Variants in EHBP1 observed in about 807,000 individuals in gnomAD.
EHBP1 encodes EH domain binding protein 1.
EHBP1 carries 55 observed loss-of-function variants against 144.0 expected under a neutral mutation model. The observed-to-expected ratio is 0.38, with a 90% CI of 0.31 to 0.48. The LOEUF (loss-of-function observed/expected upper bound fraction) is 0.48. EHBP1 is among the 20% of genes least tolerant of loss of function. The pLI is 0.98. For missense variants in EHBP1, 1,200 were observed against 1,364.2 expected (o/e 0.88, Z 1.90); for synonymous variants, 469 against 472.7 (o/e 0.99, Z 0.10).
intron 8 of EHBP1, among the ~76,000 whole-genome samples, chr2:62,863,519 T>A (rs943269568): frequency 6.6e-6 from 1 of 152,166 alleles, no homozygotes; most frequent in Non-Finnish European, 1.5e-5. Flanking sequence ...ACTTGATATA[T>A]CTATCAGCTT....
At chr2:62,760,419 A>G (rs898292209) in intron 3 of EHBP1, among the ~76,000 whole-genome samples, 2 of 152,214 alleles carry the variant, frequency 1.3e-5, no homozygotes, top group South Asian at 4.1e-4. Flanking sequence ...GCAGTGTACT[A>G]GCAACTTAGG....
intron 2 of EHBP1, among the ~76,000 whole-genome samples, chr2:62,712,508 C>T (rs1017899729): frequency 1.4e-4 from 22 of 152,258 alleles, no homozygotes; most frequent in African/African-American, 5.3e-4. Context: ...TTTAATCCAA[C>T]TGTGTTCAGT....
intron 5 of EHBP1, among the ~76,000 whole-genome samples, chr2:62,804,117 CA>C (rs1377017261): frequency 1.3e-5 from 2 of 152,088 alleles, no homozygotes; most frequent in African/African-American, 4.8e-5. Context: ...TTCTGTGCCT[CA>C]AAAATGTAAA....
chr2:62,946,046 C>T (rs1432289593), intron 12 of EHBP1, among the ~76,000 whole-genome samples: 3 of 152,110 alleles, frequency 2.0e-5, no homozygotes, highest in Non-Finnish European at 4.4e-5. Context: ...CAGTGCTTTA[C>T]CTCCATTTTC....
chr2:62,755,328 T>G (rs1203759693), intron 3 of EHBP1, among the ~76,000 whole-genome samples: 1 of 152,210 alleles, frequency 6.6e-6, no homozygotes, highest in Non-Finnish European at 1.5e-5. Context: ...TGTGTTTTGG[T>G]AGTTTATTTG....
chr2:62,990,772 C>T lies in EHBP1; in HGVS notation c.2665C>T (p.Gln889Ter). 6.2e-7 allele frequency: 1 copy of T among 1,613,914 alleles called. No individual in the cohort carries two copies. Among genetic ancestry groups the T allele is most frequent in the Non-Finnish European group, 8.5e-7 (1 of 1,179,872 alleles). The change falls in exon 16 of 23, where the codon CAG becomes TAG. Residue 889 changes from glutamine (Q) to a stop codon, truncating the protein, a stop_gained. Coordinates refer to ENST00000431489, the MANE Select transcript of EHBP1 (RefSeq NM_001142616.3). LOFTEE classifies it high-confidence loss of function. The part of the protein sequence containing the change: ...KLKKLLEVQP[Q>*]VANSPSSAAQ... Reference sequence around the variant, plus strand: ...GAAGAAGCTCCTAGAAGTTCAGCCACAGGTGGCAAATTCACCCTCCAGTGC... The same window carrying T: ...GAAGAAGCTCCTAGAAGTTCAGCCATAGGTGGCAAATTCACCCTCCAGTGC...
intron 3 of EHBP1, among the ~76,000 whole-genome samples, chr2:62,750,930 A>G (rs975639764): frequency 6.6e-6 from 1 of 152,186 alleles, no homozygotes; most frequent in African/African-American, 2.4e-5. Context: ...TCATCTGCAA[A>G]CAGGGACAAT....
intron 19 of EHBP1, among the ~76,000 whole-genome samples, chr2:63,009,187 A>G (rs1030687433): frequency 1.3e-5 from 2 of 151,652 alleles, no homozygotes; most frequent in African/African-American, 4.8e-5. Flanking sequence ...CCTAAAATGC[A>G]TGTTTATTTT....
At chr2:62,862,673 A>G (rs1453105257) in intron 8 of EHBP1, among the ~76,000 whole-genome samples, 1 of 152,214 alleles carries the variant, frequency 6.6e-6, no homozygotes, top group African/African-American at 2.4e-5. Flanking sequence ...TAATAATCAG[A>G]TTAAGTTGTT....
chr2:62,709,053 C>G (rs1268295373), intron 2 of EHBP1, among the ~76,000 whole-genome samples: 1 of 152,064 alleles, frequency 6.6e-6, no homozygotes, highest in African/African-American at 2.4e-5. Context: ...ATTAGGTTTG[C>G]TATTGGAAAA....
chr2:62,747,519 G>T, intron 3 of EHBP1, 67 bp downstream of exon 3: 1 of 1,197,704 alleles, frequency 8.3e-7, no homozygotes, highest in African/African-American at 1.5e-5. Context: ...TCTGGTTCCA[G>T]TGTAGAATAT....
At chr2:62,818,729 A>G (rs1026730790) in intron 5 of EHBP1, among the ~76,000 whole-genome samples, 1 of 152,212 alleles carries the variant, frequency 6.6e-6, no homozygotes, top group Non-Finnish European at 1.5e-5. Context: ...AAAGAATCAC[A>G]AAATCACAAG....
rs369018596 is a variant in EHBP1 at position 62,695,061 on chromosome 2, A to G, written c.-295-11836A>G. On this transcript the variant is annotated intron_variant, in intron 1 of 22. Transcript: ENST00000405015. The stretch of plus-strand genomic sequence containing the variant: ...CACAGTCCTAAAGCAATTCAAGTAC[A>G]AAATAAAATGTCAGTGAAGACTGGG... Among the ~76,000 whole-genome samples the G allele has an allele frequency of 5.3e-5, 8 of 152,320 alleles. No homozygotes were observed. In the South Asian group the frequency reaches 1.0e-3, roughly 20 times the overall value.
At chr2:62,710,827 A>G (rs1032554513) in intron 2 of EHBP1, among the ~76,000 whole-genome samples, 1 of 152,186 alleles carries the variant, frequency 6.6e-6, no homozygotes, top group Non-Finnish European at 1.5e-5. Flanking sequence ...ATGCACTTTC[A>G]GTGTTAAGTT....
At chr2:62,932,260 A>C (rs997819391) in intron 10 of EHBP1, among the ~76,000 whole-genome samples, 1 of 152,042 alleles carries the variant, frequency 6.6e-6, no homozygotes, top group South Asian at 2.1e-4. Context: ...TCTAGAAGGG[A>C]TATTTGCACA....
chr2:62,838,572 A>G (rs2047503051), intron 7 of EHBP1, among the ~76,000 whole-genome samples: 1 of 152,128 alleles, frequency 6.6e-6, no homozygotes, highest in African/African-American at 2.4e-5. Context: ...TGAAAGGATC[A>G]ACAAAATTGA....
intron 15 of EHBP1, chr2:62,987,973 C>T: frequency 6.2e-7 from 1 of 1,607,564 alleles, no homozygotes; most frequent in Non-Finnish European, 8.5e-7. Context: ...GAGGAGATCC[C>T]TGAAGGCTTT....
intron 1 of EHBP1, among the ~76,000 whole-genome samples, chr2:62,681,334 G>A (rs866551929): frequency 4.9e-4 from 9 of 18,474 alleles, no homozygotes; most frequent in African/African-American, 3.2e-3. Flanking sequence ...GTATGTATGT[G>A]TGTGTGTATA....
chr2:62,717,747 A>G (rs1363045581), intron 2 of EHBP1, among the ~76,000 whole-genome samples: 3 of 152,192 alleles, frequency 2.0e-5, no homozygotes, highest in Non-Finnish European at 4.4e-5. Context: ...AACTTTAATT[A>G]TAACAAACAC....
Sources: allele counts gnomAD v4.1 joint callset (sites outside exome capture counted in the v4.1 genomes callset), GRCh38; gene constraint gnomAD v4.1.1; transcripts MANE v1.5; gene names NCBI Gene and HGNC (gene_info 2026-07-23, HGNC 2026-07-21).